PSMA6: variants seen among roughly 807,000 people sequenced by gnomAD.
PSMA6 encodes proteasome subunit alpha type-6.
For synonymous variants in PSMA6, 88 were observed against 97.7 expected, an observed-to-expected ratio of 0.90 and a Z score of 0.59; for missense variants, 170 against 294.8, an observed-to-expected ratio of 0.58 and a Z score of 3.10.
At chr14:35,287,673 A>G (rs1219466038), upstream of PSMA6, among the ~76,000 whole-genome samples, 1 of 152,194 alleles carries the variant, frequency 6.6e-6, no homozygotes, top group Non-Finnish European at 1.5e-5. Flanking sequence ...ATGTCAAGTC[A>G]TCTCTAAATT....
At chr14:35,310,682 G>A in intron 3 of PSMA6, 58 bp from the exon 4 acceptor site, 2 of 1,582,032 alleles carry the variant, frequency 1.3e-6, no homozygotes. Flanking sequence ...AAATTGCCTG[G>A]CTTTCAGGTT....
At chr14:35,309,802 A>G (rs1279515441) in intron 3 of PSMA6, among the ~76,000 whole-genome samples, 1 of 152,084 alleles carries the variant, frequency 6.6e-6, no homozygotes. Context: ...TCAAAAAATA[A>G]AAACAAAAAT....
Position 35,310,750 on chromosome 14 carries a change from A to G in PSMA6, c.264A>G (p.Arg88=), listed in dbSNP as rs1220350655. The part of the protein sequence containing the change: ...CVMTGMTADS[R]SQVQRARYEA... ...TTTTTATGCTATAAGCTGACAGCAG[A>G]TCCCAGGTACAGAGGGCACGCTATG... Residue 88 remains arginine, a synonymous_variant, in exon 4 of 7, where the codon AGA becomes AGG. Transcript: ENST00000261479. The G allele has an allele frequency of 3.1e-6, 5 of 1,612,058 alleles. No individual in the cohort carries two copies. Among genetic ancestry groups the G allele is most frequent in the Non-Finnish European group, 4.2e-6 (5 of 1,179,838 alleles).
intron 1 of PSMA6, among the ~76,000 whole-genome samples, chr14:35,283,251 G>T (rs981560308): frequency 1.3e-5 from 2 of 151,784 alleles, no homozygotes; most frequent in African/African-American, 4.8e-5. Flanking sequence ...GGCTGGTCAG[G>T]TGTGGTGGCT....
chr14:35,292,318 C>T, upstream of PSMA6: 1 of 1,462,298 alleles, frequency 6.8e-7, no homozygotes, highest in Non-Finnish European at 9.0e-7. Context: ...GAGCTCAGTG[C>T]TCGAACTGGC....
upstream of PSMA6, among the ~76,000 whole-genome samples, chr14:35,288,939 CTTAAAACAT>C (rs2051448637): frequency 3.3e-5 from 5 of 151,664 alleles, no homozygotes; most frequent in African/African-American, 1.2e-4. Flanking sequence ...TGTAAACATT[CTTAAAACAT>C]TATGAGATTT....
intron 1 of PSMA6, among the ~76,000 whole-genome samples, chr14:35,296,442 T>C (rs974123850): frequency 9.2e-5 from 14 of 152,172 alleles, no homozygotes; most frequent in African/African-American, 2.9e-4. Flanking sequence ...GTGATTCTCC[T>C]GCCTCAGCCT....
intron 6 of PSMA6, chr14:35,315,802 C>CTG (rs1477419283): frequency 1.3e-5 from 2 of 151,784 alleles, no homozygotes; most frequent in Non-Finnish European, 2.9e-5. Context: ...GGAGACCTTC[C>CTG]TGCCACCTTT....
rs2051333762 is a variant in PSMA6, at chr14:35,278,836, G to A, written c.19+118G>A. Reference sequence around the variant, plus strand: ...TGACCTTGCTCTAGAATCCCAAGTTGCTTTTTTTTCTATCCTGTGTTCCAT... The same window carrying A: ...TGACCTTGCTCTAGAATCCCAAGTTACTTTTTTTTCTATCCTGTGTTCCAT... On this transcript the variant is annotated intron_variant, in intron 1 of 6. Coordinates refer to the PSMA6 transcript ENST00000540871. The A allele has an allele frequency of 2.4e-6, 3 of 1,252,650 alleles. No homozygotes were observed. The Admixed American group carries it at 6.4e-5, about 27-fold the overall frequency. 77.6% of individuals were successfully genotyped at this position (1,252,650 alleles called of 1,614,324 possible).
chr14:35,279,073 G>GT (rs1165366032), intron 1 of PSMA6, among the ~76,000 whole-genome samples: 2 of 152,120 alleles, frequency 1.3e-5, no homozygotes, highest in African/African-American at 4.8e-5. Context: ...TTGAGATGGA[G>GT]TTTCGCTCTT....
chr14:35,287,694 A>G (rs1346782477), upstream of PSMA6, among the ~76,000 whole-genome samples: 1 of 152,238 alleles, frequency 6.6e-6, no homozygotes, highest in Non-Finnish European at 1.5e-5. Flanking sequence ...TTTTCAAAAA[A>G]CCAGAAAGTC....
upstream of PSMA6, chr14:35,278,629 G>T: frequency 6.6e-7 from 1 of 1,504,380 alleles, no homozygotes; most frequent in Non-Finnish European, 8.9e-7. Context: ...TGCTGGAGCA[G>T]GGTAGTGTCC....
At chr14:35,279,024 A>G (rs920967107) in intron 1 of PSMA6, among the ~76,000 whole-genome samples, 2 of 151,920 alleles carry the variant, frequency 1.3e-5, no homozygotes, top group Non-Finnish European at 2.9e-5. Context: ...CTGTTCTTAC[A>G]GTCACTTCTT....
upstream of PSMA6, chr14:35,278,564 T>C (rs1365675998): frequency 8.9e-6 from 7 of 782,536 alleles, no homozygotes; most frequent in Non-Finnish European, 1.3e-5. Context: ...ACAGAGAATG[T>C]CAGTATCCAA....
At chr14:35,303,879 A>C (rs940061767) in intron 1 of PSMA6, among the ~76,000 whole-genome samples, 1 of 151,880 alleles carries the variant, frequency 6.6e-6, no homozygotes, top group Non-Finnish European at 1.5e-5. Flanking sequence ...TGTATTAGCT[A>C]GTGTAGTGTA....
chr14:35,308,421 CA>C (rs201102710), intron 2 of PSMA6: 786 of 138,706 alleles, frequency 5.7e-3, no homozygotes, highest in Middle Eastern at 0.019. Context: ...AACTCCGTCT[CA>C]AAAAAAAAAA....
At chr14:35,291,220 CTTT>C (rs549426154), upstream of PSMA6, among the ~76,000 whole-genome samples, 11 of 125,964 alleles carry the variant, frequency 8.7e-5, no homozygotes, top group African/African-American at 1.5e-4. Flanking sequence ...GGCTTTCTTT[CTTT>C]TTTTTTTTTT....
intron 1 of PSMA6, among the ~76,000 whole-genome samples, chr14:35,305,049 G>A (rs527720363): frequency 1.3e-5 from 2 of 152,244 alleles, no homozygotes; most frequent in African/African-American, 4.8e-5. Context: ...ACTCAGCCTG[G>A]GTGACAGAGC....
At chr14:35,296,221 C>T (rs930116641) in intron 1 of PSMA6, among the ~76,000 whole-genome samples, 8 of 152,238 alleles carry the variant, frequency 5.3e-5, no homozygotes, top group African/African-American at 1.9e-4. Context: ...AGATAATAAC[C>T]ACCTACCTTA....
Sources: gnomAD v4.1 joint callset for allele counts (sites outside exome capture counted in the v4.1 genomes callset) on GRCh38, gnomAD v4.1.1 for gene constraint, MANE v1.5 for transcripts, NCBI Gene and HGNC (gene_info 2026-07-23, HGNC 2026-07-21) for gene names.